The following TASP1 variants were observed in gnomAD, a reference collection of about 807,000 sequenced individuals.
TASP1 encodes threonine aspartase 1.
In TASP1, 16 loss-of-function variants were observed where a neutral mutation model predicts 56.6. That is an observed-to-expected ratio of 0.28 (90% confidence interval 0.19 to 0.43). TASP1 has a LOEUF of 0.43. TASP1 is among the 20% of genes least tolerant of loss of function. The probability of loss-of-function intolerance (pLI) is 1.00; values close to 1 mark genes in which losing one functional copy is unlikely to be tolerated. For synonymous variants in TASP1, 179 were observed against 184.2 expected (o/e 0.97, Z 0.23); for missense variants, 393 against 511.6 (o/e 0.77, Z 2.24).
chr20:13,194,836 T>C, the TASP1 span, among the ~76,000 whole-genome samples: 1 of 152,196 alleles, frequency 6.6e-6, no homozygotes, highest in Non-Finnish European at 1.5e-5. Flanking sequence ...AATCAATCAC[T>C]GTGACAATAA....
chr20:13,147,226 G>A, the TASP1 span, among the ~76,000 whole-genome samples: 1 of 152,220 alleles, frequency 6.6e-6, no homozygotes, highest in East Asian at 1.9e-4. Context: ...TGTAGCCCTG[G>A]AATCCCGACA....
chr20:13,451,936 G>A (rs1286803690), intron 11 of TASP1, among the ~76,000 whole-genome samples: 1 of 151,996 alleles, frequency 6.6e-6, no homozygotes, highest in African/African-American at 2.4e-5. Context: ...TCATTAATTG[G>A]CCTAATTTCA....
intron 5 of TASP1, among the ~76,000 whole-genome samples, chr20:13,582,569 G>C (rs977077213): frequency 2.6e-5 from 4 of 151,950 alleles, no homozygotes; most frequent in Non-Finnish European, 2.9e-5. Flanking sequence ...TTTTTTATTT[G>C]AAGCTATTCT....
At chr20:13,448,684 A>G (rs761255226) in intron 11 of TASP1, among the ~76,000 whole-genome samples, 28 of 152,144 alleles carry the variant, frequency 1.8e-4, no homozygotes, top group Non-Finnish European at 3.5e-4. Flanking sequence ...CTTTGATCAA[A>G]TAAGTATCTT....
intron 11 of TASP1, among the ~76,000 whole-genome samples, chr20:13,438,021 T>C (rs1471770600): frequency 6.6e-6 from 1 of 151,592 alleles, no homozygotes; most frequent in Non-Finnish European, 1.5e-5. Context: ...TTAAAGTTCA[T>C]ATGGAACCAA....
At chr20:13,304,042 G>A in the TASP1 span, among the ~76,000 whole-genome samples, 1 of 152,312 alleles carries the variant, frequency 6.6e-6, no homozygotes, top group Admixed American at 6.5e-5. Flanking sequence ...CCACCATCAA[G>A]GTATGACTTT....
chr20:13,607,974 C>CA (rs895983381), intron 4 of TASP1, among the ~76,000 whole-genome samples: 34 of 148,866 alleles, frequency 2.3e-4, no homozygotes, highest in South Asian at 2.1e-4. Flanking sequence ...GACTCTGTCT[C>CA]AAAAAAAAAG....
intron 1 of TASP1, among the ~76,000 whole-genome samples, chr20:13,635,856 TC>T (rs1416712269): frequency 3.3e-5 from 5 of 152,326 alleles, no homozygotes; most frequent in East Asian, 1.9e-4. Context: ...GCAGGGACTT[TC>T]ATGGCACTAA....
At chr20:13,319,423 T>C in the TASP1 span, among the ~76,000 whole-genome samples, 1 of 152,138 alleles carries the variant, frequency 6.6e-6, no homozygotes, top group South Asian at 2.1e-4. Context: ...TCACATTGCA[T>C]CTGAGTTTCA....
chr20:13,469,382 A>G (rs2044385995), intron 11 of TASP1, among the ~76,000 whole-genome samples: 1 of 152,208 alleles, frequency 6.6e-6, no homozygotes, highest in African/African-American at 2.4e-5. Flanking sequence ...CCTCAGCCAC[A>G]GGGAGAAAAC....
chr20:13,507,022 T>C (rs1163610715), intron 10 of TASP1, among the ~76,000 whole-genome samples: 3 of 152,134 alleles, frequency 2.0e-5, no homozygotes, highest in Admixed American at 2.0e-4. Flanking sequence ...TATAGAAAAC[T>C]GTAAATACTT....
At chr20:13,177,884 A>G in the TASP1 span, among the ~76,000 whole-genome samples, 2 of 152,196 alleles carry the variant, frequency 1.3e-5, no homozygotes, top group Non-Finnish European at 2.9e-5. Flanking sequence ...TCAAAAGCAC[A>G]GGCAACAAAA....
intron 7 of TASP1, among the ~76,000 whole-genome samples, chr20:13,568,863 T>C (rs1601283761): frequency 6.6e-6 from 1 of 152,168 alleles, no homozygotes; most frequent in Non-Finnish European, 1.5e-5. Context: ...TTACCAGGAG[T>C]AATATGTTTT....
chr20:13,604,644 C>CT (rs1390167512), intron 4 of TASP1, among the ~76,000 whole-genome samples: 7 of 152,182 alleles, frequency 4.6e-5, no homozygotes. Flanking sequence ...TAAAGTCTGC[C>CT]TTACCACCTT....
chr20:13,582,701 G>A (rs187681374), intron 5 of TASP1, among the ~76,000 whole-genome samples: 102 of 152,224 alleles, frequency 6.7e-4, no homozygotes, highest in African/African-American at 2.2e-3. Flanking sequence ...GTAGGAAAAG[G>A]ATAAACTACA....
intron 11 of TASP1, among the ~76,000 whole-genome samples, chr20:13,461,078 T>C (rs372488096): frequency 6.6e-6 from 1 of 152,122 alleles, no homozygotes; most frequent in Non-Finnish European, 1.5e-5. Flanking sequence ...CTCCCTGCCA[T>C]CCCTCAGCCA....
the TASP1 span, among the ~76,000 whole-genome samples, chr20:13,110,696 C>T: frequency 3.9e-5 from 6 of 152,034 alleles, no homozygotes; most frequent in Non-Finnish European, 5.9e-5. Context: ...CCTGTTTTCC[C>T]CAAGGTAGGA....
the TASP1 span, among the ~76,000 whole-genome samples, chr20:13,311,537 G>A: frequency 1.3e-5 from 2 of 152,176 alleles, no homozygotes; most frequent in African/African-American, 2.4e-5. Context: ...ATCAACATAA[G>A]TGTTCATATA....
intron 10 of TASP1, among the ~76,000 whole-genome samples, chr20:13,513,149 T>C (rs1229618657): frequency 2.0e-5 from 3 of 152,160 alleles, no homozygotes; most frequent in Non-Finnish European, 4.4e-5. Context: ...AGTTTACCAA[T>C]GAGGAACAAG....
Sources: gnomAD v4.1 joint callset for allele counts (sites outside exome capture counted in the v4.1 genomes callset) on GRCh38, gnomAD v4.1.1 for gene constraint, MANE v1.5 for transcripts, NCBI Gene and HGNC (gene_info 2026-07-23, HGNC 2026-07-21) for gene names.